The following SPATA6 variants were observed in gnomAD, a reference collection of about 807,000 sequenced individuals.
SPATA6 encodes the protein spermatogenesis-associated protein 6.
Under a neutral mutation model 65.3 loss-of-function variants are expected in SPATA6, and 56 were observed. That is an observed-to-expected ratio of 0.86 (90% CI 0.69 to 1.07). The LOEUF (loss-of-function observed/expected upper bound fraction) is 1.07. Among genes scored for constraint, SPATA6 ranks in the 50% least tolerant of loss-of-function variants. The pLI is 0.00. For synonymous variants in SPATA6, 199 were observed against 213.2 expected, an observed-to-expected ratio of 0.93 and a Z score of 0.58; for missense variants, 590 against 594.8, an observed-to-expected ratio of 0.99 and a Z score of 0.08.
intron 1 of SPATA6, among the ~76,000 whole-genome samples, chr1:48,458,630 C>A (rs1349266546): frequency 6.6e-6 from 1 of 152,014 alleles, no homozygotes; most frequent in Non-Finnish European, 1.5e-5. Context: ...AGTACTGATA[C>A]GTGCTACAAG....
At chr1:48,280,256 C>T in the SPATA6 span, among the ~76,000 whole-genome samples, 1 of 152,132 alleles carries the variant, frequency 6.6e-6, no homozygotes, top group Non-Finnish European at 1.5e-5. Flanking sequence ...GACACCCTAA[C>T]ATCACAATTA....
At chr1:48,362,250 T>C (rs1441634704) in intron 9 of SPATA6, among the ~76,000 whole-genome samples, 1 of 151,832 alleles carries the variant, frequency 6.6e-6, no homozygotes, top group Non-Finnish European at 1.5e-5. Flanking sequence ...CAACACTCTG[T>C]CTCAAAGAAA....
chr1:48,385,047 C>G (rs1431668482), intron 9 of SPATA6, among the ~76,000 whole-genome samples: 1 of 152,140 alleles, frequency 6.6e-6, no homozygotes, highest in Non-Finnish European at 1.5e-5. Context: ...ATTTCTCTCT[C>G]TCATGCACAC....
intron 3 of SPATA6, among the ~76,000 whole-genome samples, chr1:48,427,102 T>G (rs1653908489): frequency 6.6e-6 from 1 of 152,052 alleles, no homozygotes; most frequent in Non-Finnish European, 1.5e-5. Context: ...ATTTTTAATT[T>G]TTTTTGTAGA....
the SPATA6 span, among the ~76,000 whole-genome samples, chr1:48,280,080 C>T: frequency 2.6e-5 from 4 of 152,280 alleles, no homozygotes; most frequent in East Asian, 1.9e-4. Flanking sequence ...TCCTGAATGA[C>T]TACTGGGTAC....
chr1:48,281,793 C>G, the SPATA6 span, among the ~76,000 whole-genome samples: 1 of 152,146 alleles, frequency 6.6e-6, no homozygotes, highest in Non-Finnish European at 1.5e-5. Context: ...CCATCCCCAT[C>G]AAGCTACCAA....
chr1:48,385,294 A>G lies in SPATA6; in HGVS notation c.909+15T>C, dbSNP rs747474857. On this transcript the variant is annotated intron_variant, in intron 9 of 12. Transcript: ENST00000371847. ...AAGCCAGAACAATTATTATTCTACA[A>G]TTCATTCTACACACCTTATAATCCT... is the stretch of plus-strand genomic sequence containing the variant. The G allele has an allele frequency of 6.7e-5, 107 of 1,589,826 alleles. 3 individuals are homozygous for G. The South Asian group carries it at 1.2e-3, about 18-fold the overall frequency.
chr1:48,278,192 C>G, the SPATA6 span, among the ~76,000 whole-genome samples: 4 of 151,164 alleles, frequency 2.6e-5, no homozygotes, highest in African/African-American at 7.3e-5. Flanking sequence ...ACATCCCCAT[C>G]ATCAAAGACC....
At chr1:48,328,950 G>T (rs1645841147) in intron 11 of SPATA6, among the ~76,000 whole-genome samples, 1 of 152,080 alleles carries the variant, frequency 6.6e-6, no homozygotes, top group Non-Finnish European at 1.5e-5. Context: ...TGAAATACCT[G>T]TACTTACACA....
the SPATA6 span, among the ~76,000 whole-genome samples, chr1:48,280,781 T>C: frequency 6.6e-6 from 1 of 152,280 alleles, no homozygotes; most frequent in African/African-American, 2.4e-5. Context: ...CCATTCCTTC[T>C]GAAACTATTC....
At chr1:48,467,631 T>A (rs1657910483) in intron 1 of SPATA6, among the ~76,000 whole-genome samples, 2 of 151,978 alleles carry the variant, frequency 1.3e-5, no homozygotes, top group African/African-American at 2.4e-5. Flanking sequence ...AGGAAACCAC[T>A]AACAGTAAAC....
Position 48,295,797 on chromosome 1 carries a change from G to A in SPATA6, c.*2916C>T, listed in dbSNP as rs1179578433. On this transcript the variant is annotated 3_prime_UTR_variant, in exon 13 of 13. Transcript: ENST00000371847. ...TCTATTTGTTCCAGATTTTTCATCA[G>A]GGGCTTAATCTTTGGAAATCAGAAA... The A allele has an allele frequency of 6.6e-6, 1 of 152,072 alleles. No homozygotes were observed. The highest frequency in any genetic ancestry group is 1.5e-5 in the Non-Finnish European group (1 of 67,998). 9.4% of individuals were successfully genotyped at this position (152,072 alleles called of 1,614,324 possible).
intron 11 of SPATA6, among the ~76,000 whole-genome samples, chr1:48,336,238 TA>T (rs1557580178): frequency 3.3e-5 from 5 of 152,020 alleles, no homozygotes. Context: ...CTCAAAAACC[TA>T]AAACAGAACT....
At chr1:48,471,867 A>T (rs1658281524) in intron 1 of SPATA6, 91 bp downstream of exon 1, 1 of 1,430,012 alleles carries the variant, frequency 7.0e-7, no homozygotes, top group Non-Finnish European at 9.7e-7. Context: ...CGGAGGGTGA[A>T]GGAGGTTTGG....
At chr1:48,450,465 C>T (rs1186932544) in intron 3 of SPATA6, among the ~76,000 whole-genome samples, 1 of 151,750 alleles carries the variant, frequency 6.6e-6, no homozygotes, top group Non-Finnish European at 1.5e-5. Context: ...TGTTTTTTAA[C>T]AGAAGAATTT....
chr1:48,314,877 C>A (rs1055885110), intron 11 of SPATA6, among the ~76,000 whole-genome samples: 1 of 152,160 alleles, frequency 6.6e-6, no homozygotes, highest in South Asian at 2.1e-4. Context: ...ACCGATCCGA[C>A]AGAAATACAA....
chr1:48,327,254 A>T (rs1186071939), intron 11 of SPATA6, among the ~76,000 whole-genome samples: 2 of 152,206 alleles, frequency 1.3e-5, no homozygotes, highest in Non-Finnish European at 2.9e-5. Context: ...AATGCTCAAC[A>T]TCACTAATCA....
chr1:48,464,780 G>A (rs34706239), intron 1 of SPATA6, among the ~76,000 whole-genome samples: 20,712 of 152,182 alleles, frequency 0.14, 1,855 homozygotes, highest in South Asian at 0.23. Flanking sequence ...GTGAAGTGGC[G>A]GGAGGGAGAC....
intron 11 of SPATA6, among the ~76,000 whole-genome samples, chr1:48,350,518 T>C (rs1409785859): frequency 6.6e-6 from 1 of 151,888 alleles, no homozygotes; most frequent in Non-Finnish European, 1.5e-5. Flanking sequence ...TTTTCTACTA[T>C]GTTTTCCTCT....
Sources: allele counts gnomAD v4.1 joint callset (sites outside exome capture counted in the v4.1 genomes callset), GRCh38; gene constraint gnomAD v4.1.1; transcripts MANE v1.5; gene names NCBI Gene and HGNC (gene_info 2026-07-23, HGNC 2026-07-21).